The following NREP variants were observed in gnomAD, a reference collection of about 807,000 sequenced individuals.
The protein encoded by NREP is neuronal regeneration related protein, also known as neuronal regeneration-related protein.
A neutral mutation model predicts 8.6 loss-of-function variants in NREP; 5 were observed. That is an observed-to-expected ratio of 0.58 (90% CI 0.30 to 1.22). NREP has a LOEUF of 1.22. Among genes scored for constraint, NREP ranks in the 50% most tolerant of loss-of-function variants. The pLI is 0.07. For missense variants in NREP, 86 were observed against 82.5 expected (o/e 1.04, Z -0.17); for synonymous variants, 27 against 28.0 (o/e 0.96, Z 0.11).
chr5:111,746,586 G>A (rs557561500), intron 2 of NREP, among the ~76,000 whole-genome samples: 1 of 152,216 alleles, frequency 6.6e-6, no homozygotes, highest in African/African-American at 2.4e-5. Flanking sequence ...CAATTACCCA[G>A]TCAATAAAGA....
At chr5:111,861,108 G>A (rs1377831573) in intron 2 of NREP, among the ~76,000 whole-genome samples, 1 of 152,222 alleles carries the variant, frequency 6.6e-6, no homozygotes, top group East Asian at 1.9e-4. Context: ...CGTGCATTCA[G>A]AAGTGAACTG....
At chr5:111,970,974 A>T (rs1756800601) in intron 2 of NREP, among the ~76,000 whole-genome samples, 2 of 152,156 alleles carry the variant, frequency 1.3e-5, no homozygotes, top group South Asian at 4.1e-4. Context: ...GAGCTTGTTA[A>T]AAATATGAAT....
intron 2 of NREP, among the ~76,000 whole-genome samples, chr5:111,926,230 G>A (rs1755380322): frequency 6.6e-6 from 1 of 152,144 alleles, no homozygotes; most frequent in Non-Finnish European, 1.5e-5. Flanking sequence ...GGGAGTTTTG[G>A]AAGTGGTGAA....
At chr5:111,967,636 G>A (rs775863599) in intron 2 of NREP, among the ~76,000 whole-genome samples, 33 of 152,024 alleles carry the variant, frequency 2.2e-4, no homozygotes, top group African/African-American at 3.9e-4. Context: ...CCCGGCCCCC[G>A]CCCTGTCTGG....
At chr5:111,789,967 A>G (rs1035145694) in intron 2 of NREP, among the ~76,000 whole-genome samples, 36 of 152,180 alleles carry the variant, frequency 2.4e-4, no homozygotes, top group African/African-American at 7.5e-4. Flanking sequence ...GAAAATACAA[A>G]CAAAATTGAA....
intron 2 of NREP, among the ~76,000 whole-genome samples, chr5:111,910,071 G>C (rs1022929113): frequency 6.6e-6 from 1 of 152,012 alleles, no homozygotes; most frequent in Admixed American, 6.6e-5. Context: ...ATTTGCAAGA[G>C]AACATATATT....
At chr5:111,750,277 A>C (rs762801803) in intron 2 of NREP, among the ~76,000 whole-genome samples, 6 of 152,202 alleles carry the variant, frequency 3.9e-5, no homozygotes, top group Non-Finnish European at 7.3e-5. Context: ...AATATTCTTA[A>C]GTCTTCACTC....
chr5:111,869,352 C>A (rs1488097667), intron 2 of NREP, among the ~76,000 whole-genome samples: 3 of 152,102 alleles, frequency 2.0e-5, no homozygotes, highest in African/African-American at 7.2e-5. Flanking sequence ...AGTGTTATTT[C>A]AAATATATGT....
At chr5:111,920,935 G>A (rs1271360576) in intron 2 of NREP, among the ~76,000 whole-genome samples, 7 of 152,146 alleles carry the variant, frequency 4.6e-5, no homozygotes, top group Non-Finnish European at 1.0e-4. Context: ...CTGTATGTTT[G>A]TACATCACAC....
chr5:111,965,176 T>C (rs1756607828), intron 2 of NREP, among the ~76,000 whole-genome samples: 1 of 152,114 alleles, frequency 6.6e-6, no homozygotes, highest in Admixed American at 6.5e-5. Context: ...AGCCATCTCC[T>C]CTGATGTTTC....
intron 2 of NREP, among the ~76,000 whole-genome samples, chr5:111,746,365 A>T (rs796926789): frequency 2.6e-5 from 4 of 152,286 alleles, no homozygotes; most frequent in African/African-American, 9.6e-5. Flanking sequence ...AGTAAAAAAA[A>T]TATGCAAGGC....
chr5:111,931,544 A>C (rs532884164), intron 2 of NREP, among the ~76,000 whole-genome samples: 7 of 152,160 alleles, frequency 4.6e-5, no homozygotes, highest in Middle Eastern at 3.2e-3. Context: ...TCTGACTACA[A>C]CATCATAAGA....
intron 2 of NREP, among the ~76,000 whole-genome samples, chr5:111,954,228 G>C (rs1179095977): frequency 2.0e-5 from 3 of 151,958 alleles, no homozygotes; most frequent in Non-Finnish European, 4.4e-5. Context: ...GGTGAAAGAG[G>C]GATTTTATAT....
chr5:111,901,328 G>T (rs965980715), intron 2 of NREP, among the ~76,000 whole-genome samples: 3 of 152,026 alleles, frequency 2.0e-5, no homozygotes, highest in Admixed American at 2.0e-4. Context: ...AACACATTAG[G>T]CATCAAAGGA....
At chr5:111,926,434 G>A (rs186116455) in intron 2 of NREP, among the ~76,000 whole-genome samples, 11 of 152,252 alleles carry the variant, frequency 7.2e-5, no homozygotes, top group African/African-American at 2.6e-4. Context: ...GCAGAGGTCT[G>A]TGTTGTCCCA....
rs143035347 is a variant in NREP, at chr5:111,805,380, T to C, written c.136-69873A>G. ...AATATGTACAAGGTTATTCATTGCA[T>C]ATTTGTGGTAGCTAAATATTGAAAA... On this transcript the variant is annotated intron_variant, in intron 2 of 3. Transcript: ENST00000395634. Among the ~76,000 whole-genome samples the C allele has an allele frequency of 1.1e-3, 169 of 152,368 alleles. 1 individual carries two copies. The highest frequency in any genetic ancestry group is 3.9e-3 in the African/African-American group (163 of 41,596).
intron 2 of NREP, among the ~76,000 whole-genome samples, chr5:111,781,613 T>C (rs751381538): frequency 4.6e-5 from 7 of 152,182 alleles, no homozygotes; most frequent in Non-Finnish European, 8.8e-5. Context: ...CAGTTTAGGA[T>C]AATTTGTTAT....
intron 2 of NREP, among the ~76,000 whole-genome samples, chr5:111,813,398 C>T (rs1254640326): frequency 2.6e-5 from 4 of 152,138 alleles, no homozygotes; most frequent in Admixed American, 6.6e-5. Context: ...AAATCATTTA[C>T]CAAATCCTGT....
At chr5:111,757,343 G>T, upstream of NREP, 1 of 879,156 alleles carries the variant, frequency 1.1e-6, no homozygotes, top group African/African-American at 1.8e-5. Context: ...AAGAAGTGCA[G>T]CCTTGGAAAA....
Sources: allele counts gnomAD v4.1 joint callset (sites outside exome capture counted in the v4.1 genomes callset), GRCh38; gene constraint gnomAD v4.1.1; transcripts MANE v1.5; gene names NCBI Gene and HGNC (gene_info 2026-07-23, HGNC 2026-07-21).